RTCB: variants seen among roughly 807,000 people sequenced by gnomAD.
RTCB encodes the protein RNA 2',3'-cyclic phosphate and 5'-OH ligase, also known as RNA-splicing ligase RTCB.
A neutral mutation model predicts 58.2 loss-of-function variants in RTCB; 32 were observed. That is an observed-to-expected ratio of 0.55 (90% CI 0.41 to 0.74). RTCB has a LOEUF of 0.74. Among genes scored for constraint, RTCB ranks in the 30% least tolerant of loss-of-function variants. RTCB has a pLI of 0.00. For synonymous variants in RTCB, 247 were observed against 218.6 expected (o/e 1.13, Z -1.15); for missense variants, 523 against 639.0 (o/e 0.82, Z 1.96).
Position 32,401,893 on chromosome 22 carries a change from C to T in RTCB, c.351G>A (p.Gly117=). Residue 117 remains glycine, a synonymous_variant, in exon 5 of 12, where the codon GGG becomes GGA. Coordinates refer to ENST00000216038, the MANE Select transcript of RTCB (RefSeq NM_014306.5). ...AGCGGACACCACAGTTGATGTCAAA[C>T]CCGACACCACCTACAAAATAGAGAA... ...PEAVVSPGGV[G]FDINCGVRLL... The T allele has an allele frequency of 1.2e-6, 2 of 1,613,844 alleles. No homozygotes were observed. Among genetic ancestry groups the T allele is most frequent in the Non-Finnish European group, 1.7e-6 (2 of 1,179,798 alleles).
chr22:32,390,286 C>A (rs563251122), intron 11 of RTCB, among the ~76,000 whole-genome samples: 3 of 152,160 alleles, frequency 2.0e-5, no homozygotes, highest in Non-Finnish European at 4.4e-5. Flanking sequence ...CTAACTATAG[C>A]GGATGGTTAG....
At chr22:32,408,375 G>T (rs1933463718) in intron 2 of RTCB, 133 bp from the exon 3 acceptor site, 2 of 710,040 alleles carry the variant, frequency 2.8e-6, no homozygotes, top group African/African-American at 3.6e-5. Flanking sequence ...CTAGAAGGAT[G>T]TTTGAGATGC....
chr22:32,410,447 T>G (rs1933500905), intron 1 of RTCB, among the ~76,000 whole-genome samples: 1 of 146,978 alleles, frequency 6.8e-6, no homozygotes, highest in Admixed American at 6.7e-5. Flanking sequence ...TGAAATTCAC[T>G]GCTCTCATAT....
rs766520125 is a variant in RTCB at position 32,398,030 on chromosome 22, G to A, written c.725C>T (p.Ala242Val). 2 of 1,613,996 alleles carry A rather than the reference G, an allele frequency of 1.2e-6. No individual in the cohort carries two copies. The highest frequency in any genetic ancestry group is 1.7e-6 in the Non-Finnish European group (2 of 1,179,980). Reference sequence around the variant, plus strand: ...ATGGTCGATGCCCATTTTTTTAGCAGCATACTCATTGAAAATCTCATCCAC... The same window carrying A: ...ATGGTCGATGCCCATTTTTTTAGCAACATACTCATTGAAAATCTCATCCAC... ...QVVDEIFNEY[A>V]AKKMGIDHKG... The change falls in exon 7 of 12, where the codon GCT (alanine) becomes GTT (valine). Residue 242 changes from alanine to valine, a missense_variant. Coordinates refer to ENST00000216038, the MANE Select transcript of RTCB (RefSeq NM_014306.5).
chr22:32,387,723 CA>C lies in RTCB; in HGVS notation c.*268del, dbSNP rs1276867661. ...CAGTTTGACATCTACCCATCCCTAA[CA>C]GATTTTCCTAAAACTCTGTGGAACA... On this transcript the variant is annotated 3_prime_UTR_variant, in exon 12 of 12. Transcript: ENST00000216038. 2.6e-6 allele frequency: 1 copy of C among 381,476 alleles called. No individual in the cohort carries two copies. Among genetic ancestry groups the C allele is most frequent in the East Asian group, 5.0e-5 (1 of 20,156 alleles). The allele number at this position is 381,476 out of a possible 1,614,324, so 23.6% of individuals were successfully genotyped here.
At chr22:32,402,076 T>C (rs1035305946) in intron 4 of RTCB, among the ~76,000 whole-genome samples, 173 bp from the exon 5 acceptor site, 7 of 152,192 alleles carry the variant, frequency 4.6e-5, no homozygotes, top group Admixed American at 6.5e-5. Context: ...CAAGATAATC[T>C]AAAGTAACAT....
At chr22:32,402,585 G>C (rs1352220760) in intron 4 of RTCB, among the ~76,000 whole-genome samples, 8 of 131,494 alleles carry the variant, frequency 6.1e-5, no homozygotes, top group Non-Finnish European at 1.2e-4. Flanking sequence ...GAATAGCTGA[G>C]ATTACAGGCG....
Position 32,398,460 on chromosome 22 carries a change from G to A in RTCB, c.655-360C>T, listed in dbSNP as rs1486168095. Among the ~76,000 whole-genome samples the A allele has an allele frequency of 2.0e-5, 3 of 152,118 alleles. No homozygotes were observed. In the East Asian group the frequency reaches 5.8e-4, roughly 29 times the overall value. ...CACATACCAGAGCCTGTCGAGGAGT[G>A]GGAGGAAAGGGGAGGGAGAGCATTA... On this transcript the variant is annotated intron_variant, in intron 6 of 11. Coordinates refer to ENST00000216038, the MANE Select transcript of RTCB (RefSeq NM_014306.5).
chr22:32,411,434 C>T (rs997064302), intron 1 of RTCB, among the ~76,000 whole-genome samples: 1 of 152,098 alleles, frequency 6.6e-6, no homozygotes, highest in Admixed American at 6.6e-5. Context: ...AGAAGTAAAC[C>T]GGACATCAAG....
intron 11 of RTCB, among the ~76,000 whole-genome samples, chr22:32,390,498 G>A (rs1933135819): frequency 1.3e-5 from 2 of 151,774 alleles, no homozygotes; most frequent in Admixed American, 1.3e-4. Flanking sequence ...GCCCAGGCTG[G>A]AGTGCAGTAG....
intron 1 of RTCB, among the ~76,000 whole-genome samples, chr22:32,411,820 T>C (rs189822873): frequency 6.6e-6 from 1 of 152,316 alleles, no homozygotes; most frequent in Admixed American, 6.5e-5. Flanking sequence ...TTCGTATTTA[T>C]TTAGATTCCC....
chr22:32,408,322 T>C, intron 2 of RTCB, 80 bp from the exon 3 acceptor site: 2 of 1,215,508 alleles, frequency 1.6e-6, no homozygotes, highest in East Asian at 2.4e-5. Flanking sequence ...TTAGACTGTA[T>C]AACGTGAAGA....
At chr22:32,411,148 CAGT>C (rs1933515844) in intron 1 of RTCB, among the ~76,000 whole-genome samples, 1 of 152,202 alleles carries the variant, frequency 6.6e-6, no homozygotes, top group African/African-American at 2.4e-5. Context: ...AAGGGAAACT[CAGT>C]AAGCTTTGAT....
chr22:32,401,821 C>T lies in RTCB; in HGVS notation c.423G>A (p.Glu141=), dbSNP rs201561593. Residue 141 remains glutamate (E), a synonymous_variant, in exon 5 of 12, where the codon GAG becomes GAA. Transcript: ENST00000216038. ...LDESDVQPVK[E]QLAQAMFDHI... ...GGTCAAACATAGCTTGGGCAAGTTG[C>T]TCCTTCACAGGCTGGACATCACTTT... 4 of 1,614,064 alleles carry T rather than the reference C, an allele frequency of 2.5e-6. No individual in the cohort carries two copies. Among genetic ancestry groups the T allele is most frequent in the East Asian group, 2.2e-5 (1 of 44,876 alleles).
intron 4 of RTCB, 50 bp from the exon 5 acceptor site, chr22:32,401,953 C>G: frequency 6.3e-7 from 1 of 1,578,374 alleles, no homozygotes; most frequent in Non-Finnish European, 8.7e-7. Context: ...GCACTGTTAC[C>G]TGCAGTTTCT....
intron 3 of RTCB, chr22:32,407,264 T>C (rs576986277): frequency 7.1e-4 from 110 of 155,832 alleles, no homozygotes; most frequent in Admixed American, 1.9e-3. Flanking sequence ...ACACAGGATA[T>C]ATGGAGATAC....
At position 32,395,234 on chromosome 22, in the gene RTCB, A is replaced by G. The variant is rs947712763; in HGVS notation, c.991-20T>C. On this transcript the variant is annotated intron_variant, in intron 8 of 11. Transcript: ENST00000216038. ...GAAAGCCTAGGAGAAAACACAGAAGATAAAAGCAGCCAGAACTTCAGGACT... is the reference window on the plus strand; with the variant it reads ...GAAAGCCTAGGAGAAAACACAGAAGGTAAAAGCAGCCAGAACTTCAGGACT... The G allele has an allele frequency of 6.2e-7, 1 of 1,609,294 alleles. No homozygotes were observed. The highest frequency in any genetic ancestry group is 1.3e-5 in the African/African-American group (1 of 74,850).
chr22:32,394,504 G>A (rs1345896056), intron 9 of RTCB, among the ~76,000 whole-genome samples: 2 of 152,158 alleles, frequency 1.3e-5, no homozygotes, highest in African/African-American at 4.8e-5. Flanking sequence ...AAGAGGACGA[G>A]AGTGAAAATC....
chr22:32,408,707 A>G, intron 2 of RTCB, 48 bp downstream of exon 2: 1 of 1,361,084 alleles, frequency 7.3e-7, no homozygotes, highest in South Asian at 1.2e-5. Context: ...TTCAGGCCAC[A>G]GGGAAGGCAC....
Sources: gnomAD v4.1 joint callset for allele counts (sites outside exome capture counted in the v4.1 genomes callset) on GRCh38, gnomAD v4.1.1 for gene constraint, MANE v1.5 for transcripts, NCBI Gene and HGNC (gene_info 2026-07-23, HGNC 2026-07-21) for gene names.